The following GRM7 variants were observed in gnomAD, a reference collection of about 807,000 sequenced individuals.
GRM7 encodes glutamate metabotropic receptor 7.
In GRM7, 35 loss-of-function variants were observed where a neutral mutation model predicts 84.5. That is an observed-to-expected ratio of 0.41 (90% CI 0.32 to 0.55). The LOEUF is 0.55. Ranked by LOEUF, GRM7 falls within the 20% of genes least tolerant of loss-of-function variation. GRM7 has a pLI of 0.19. For missense variants in GRM7, 1,003 were observed against 1,194.6 expected (o/e 0.84, Z 2.36); for synonymous variants, 487 against 455.1 (o/e 1.07, Z -0.89).
chr3:7,065,981 G>A (rs777406596), intron 1 of GRM7, among the ~76,000 whole-genome samples: 2 of 151,762 alleles, frequency 1.3e-5, no homozygotes, highest in Non-Finnish European at 2.9e-5. Flanking sequence ...TGAACTGAAT[G>A]ACAATAATGA....
chr3:7,529,896 G>A (rs1700962590), intron 7 of GRM7, among the ~76,000 whole-genome samples: 1 of 138,256 alleles, frequency 7.2e-6, no homozygotes, highest in Non-Finnish European at 1.5e-5. Context: ...GAGACCACTG[G>A]CTGTTAGGAC....
intron 4 of GRM7, among the ~76,000 whole-genome samples, chr3:7,378,171 A>G (rs1694437801): frequency 6.6e-6 from 1 of 152,198 alleles, no homozygotes; most frequent in African/African-American, 2.4e-5. Context: ...GGAAGAGACA[A>G]TACACTCCTA....
intron 1 of GRM7, among the ~76,000 whole-genome samples, chr3:7,073,796 A>G (rs924027077): frequency 6.6e-5 from 10 of 152,296 alleles, no homozygotes; most frequent in Admixed American, 2.6e-4. Flanking sequence ...CCTCATGTAC[A>G]AAGAACTGGA....
At chr3:7,304,563 C>G (rs1238344641) in intron 3 of GRM7, among the ~76,000 whole-genome samples, 1 of 151,720 alleles carries the variant, frequency 6.6e-6, no homozygotes, top group Non-Finnish European at 1.5e-5. Flanking sequence ...TCTGTACGTT[C>G]TTTTTTCTCT....
At chr3:7,261,950 CTTTGT>C (rs1164476167) in intron 2 of GRM7, among the ~76,000 whole-genome samples, 1 of 141,928 alleles carries the variant, frequency 7.0e-6, no homozygotes, top group Non-Finnish European at 1.5e-5. Context: ...TCCTTCCTTT[CTTTGT>C]TTTCTTTCTT....
chr3:7,250,098 C>G (rs1181115889), intron 2 of GRM7, among the ~76,000 whole-genome samples: 1 of 152,046 alleles, frequency 6.6e-6, no homozygotes, highest in African/African-American at 2.4e-5. Context: ...AGGTGCTTAT[C>G]TAAATATTCT....
chr3:7,412,679 C>A (rs1018875206), intron 4 of GRM7, among the ~76,000 whole-genome samples: 15 of 152,078 alleles, frequency 9.9e-5, no homozygotes, highest in Non-Finnish European at 1.8e-4. Flanking sequence ...AGGAATATTG[C>A]TCAACATGTA....
At chr3:7,500,017 A>C (rs752773532) in intron 7 of GRM7, among the ~76,000 whole-genome samples, 2 of 151,992 alleles carry the variant, frequency 1.3e-5, no homozygotes, top group Non-Finnish European at 2.9e-5. Flanking sequence ...CTTGTGATCT[A>C]CCCGCCTTGG....
chr3:7,009,718 A>C (rs1171320106), intron 1 of GRM7, among the ~76,000 whole-genome samples: 1 of 152,152 alleles, frequency 6.6e-6, no homozygotes, highest in Non-Finnish European at 1.5e-5. Context: ...CCTTCAGTTG[A>C]TAGAAGTAGC....
At chr3:6,982,400 T>A (rs1480437678) in intron 1 of GRM7, among the ~76,000 whole-genome samples, 1 of 152,152 alleles carries the variant, frequency 6.6e-6, no homozygotes, top group African/African-American at 2.4e-5. Context: ...TCAGTGACAT[T>A]TTGATCAGTC....
At chr3:7,312,928 CTT>C (rs1156295885) in intron 4 of GRM7, among the ~76,000 whole-genome samples, 1 of 124,108 alleles carries the variant, frequency 8.1e-6, no homozygotes, top group Non-Finnish European at 1.6e-5. Flanking sequence ...CCTTTTTTTT[CTT>C]TTTTTCTTTT....
chr3:7,739,675 A>G (rs979763918), intron 9 of GRM7, among the ~76,000 whole-genome samples: 1 of 152,128 alleles, frequency 6.6e-6, no homozygotes, highest in African/African-American at 2.4e-5. Flanking sequence ...GTAGATACAT[A>G]TTTACTGCCT....
At chr3:7,163,414 CAT>C (rs1328213658) in intron 2 of GRM7, among the ~76,000 whole-genome samples, 28 of 152,162 alleles carry the variant, frequency 1.8e-4, no homozygotes, top group Non-Finnish European at 8.8e-5. Flanking sequence ...TTGAAGAAAA[CAT>C]GTGCACCACC....
chr3:7,001,339 G>C (rs952523240), intron 1 of GRM7, among the ~76,000 whole-genome samples: 1 of 152,222 alleles, frequency 6.6e-6, no homozygotes, highest in African/African-American at 2.4e-5. Flanking sequence ...GACAGAGTGA[G>C]ACCCTGTCTC....
At chr3:6,890,989 G>T (rs1006506678) in intron 1 of GRM7, among the ~76,000 whole-genome samples, 3 of 151,972 alleles carry the variant, frequency 2.0e-5, no homozygotes, top group African/African-American at 7.3e-5. Context: ...TTATGTAATG[G>T]CCTTCTTTGT....
chr3:7,169,999 C>T (rs1028034607), intron 2 of GRM7, among the ~76,000 whole-genome samples: 4 of 152,288 alleles, frequency 2.6e-5, no homozygotes, highest in Admixed American at 2.6e-4. Flanking sequence ...ACCCCTGGGC[C>T]TCATCCGTAG....
intron 8 of GRM7, among the ~76,000 whole-genome samples, chr3:7,633,842 C>G (rs1194356803): frequency 6.6e-6 from 1 of 152,144 alleles, no homozygotes; most frequent in East Asian, 1.9e-4. Context: ...TTGGTTACTT[C>G]TCATTTTCAT....
chr3:7,173,156 T>C (rs192622281), intron 2 of GRM7, among the ~76,000 whole-genome samples: 123 of 152,310 alleles, frequency 8.1e-4, no homozygotes, highest in African/African-American at 2.8e-3. Context: ...GCAGGTAAGT[T>C]GACTTCATAA....
intron 2 of GRM7, among the ~76,000 whole-genome samples, chr3:7,165,243 GACA>G (rs1324323806): frequency 6.6e-6 from 1 of 152,134 alleles, no homozygotes; most frequent in Non-Finnish European, 1.5e-5. Context: ...TTCTTGTGTA[GACA>G]CCTTCAATTA....
Sources: allele counts gnomAD v4.1 joint callset (sites outside exome capture counted in the v4.1 genomes callset), GRCh38; gene constraint gnomAD v4.1.1; transcripts MANE v1.5; gene names NCBI Gene and HGNC (gene_info 2026-07-23, HGNC 2026-07-21).